PSEN1: variants seen among roughly 807,000 people sequenced by gnomAD.
PSEN1 encodes the protein presenilin-1.
A neutral mutation model predicts 53.5 loss-of-function variants in PSEN1; 15 were observed. That is an observed-to-expected ratio of 0.28 (90% CI 0.19 to 0.43). The LOEUF is 0.43. Among genes scored for constraint, PSEN1 ranks in the 20% least tolerant of loss-of-function variants. The pLI is 1.00. For synonymous variants in PSEN1, 208 were observed against 209.8 expected, an observed-to-expected ratio of 0.99 and a Z score of 0.08; for missense variants, 387 against 571.2, an observed-to-expected ratio of 0.68 and a Z score of 3.29.
At chr14:73,155,393 A>G (rs1336540380) in intron 3 of PSEN1, among the ~76,000 whole-genome samples, 1 of 152,206 alleles carries the variant, frequency 6.6e-6, no homozygotes, top group Non-Finnish European at 1.5e-5. Flanking sequence ...AATGATTAGT[A>G]CACTACCTAG....
chr14:73,202,435 TATATATATATATATATATATATA>T (rs1566648144), intron 8 of PSEN1, among the ~76,000 whole-genome samples: 3 of 13,208 alleles, frequency 2.3e-4, no homozygotes, highest in Non-Finnish European at 4.6e-4. Context: ...TATATATATA[TATATATATATATATATATATATA>T]TATATTTTTT....
intron 8 of PSEN1, among the ~76,000 whole-genome samples, chr14:73,202,454 A>T (rs1168813855): frequency 1.1e-3 from 18 of 16,030 alleles, no homozygotes; most frequent in African/African-American, 4.8e-3. Flanking sequence ...ATATATATAT[A>T]TATATATATT....
chr14:73,151,640 C>T (rs575717623), intron 3 of PSEN1, among the ~76,000 whole-genome samples: 5 of 152,032 alleles, frequency 3.3e-5, no homozygotes, highest in South Asian at 4.1e-4. Context: ...ACTGCAACCT[C>T]GACCTCCTTG....
intron 3 of PSEN1, among the ~76,000 whole-genome samples, chr14:73,154,420 C>T (rs534173940): frequency 9.3e-5 from 13 of 139,316 alleles, no homozygotes; most frequent in Admixed American, 7.5e-4. Context: ...TAACATAGCA[C>T]GATCTTGTCT....
At chr14:73,151,641 G>A (rs1469702143) in intron 3 of PSEN1, among the ~76,000 whole-genome samples, 1 of 151,450 alleles carries the variant, frequency 6.6e-6, no homozygotes, top group Non-Finnish European at 1.5e-5. Flanking sequence ...CTGCAACCTC[G>A]ACCTCCTTGA....
intron 3 of PSEN1, among the ~76,000 whole-genome samples, chr14:73,151,316 T>A (rs1897216979): frequency 6.6e-6 from 1 of 152,184 alleles, no homozygotes; most frequent in South Asian, 2.1e-4. Context: ...ACATACTAAT[T>A]CATTAGTCTG....
intron 8 of PSEN1, among the ~76,000 whole-genome samples, chr14:73,205,781 A>G (rs1899430596): frequency 6.6e-6 from 1 of 152,226 alleles, no homozygotes; most frequent in African/African-American, 2.4e-5. Context: ...TCTGAACTAA[A>G]ATGTGGTAGA....
At chr14:73,206,934 G>A (rs1478166193) in intron 9 of PSEN1, among the ~76,000 whole-genome samples, 1 of 152,118 alleles carries the variant, frequency 6.6e-6, no homozygotes, top group East Asian at 1.9e-4. Context: ...AACATGGCCA[G>A]AATAACTGAA....
chr14:73,212,220 C>G (rs1427836776), intron 10 of PSEN1, among the ~76,000 whole-genome samples: 1 of 146,986 alleles, frequency 6.8e-6, no homozygotes, highest in Non-Finnish European at 1.5e-5. Flanking sequence ...AAGTGATTCT[C>G]CTGCCTCAGC....
At chr14:73,152,628 C>A (rs1897260519) in intron 3 of PSEN1, among the ~76,000 whole-genome samples, 1 of 151,746 alleles carries the variant, frequency 6.6e-6, no homozygotes, top group South Asian at 2.1e-4. Flanking sequence ...AAAAAACCCA[C>A]AAAAGCTCGG....
intron 3 of PSEN1, among the ~76,000 whole-genome samples, chr14:73,149,452 C>T (rs1440246501): frequency 6.6e-6 from 1 of 152,084 alleles, no homozygotes; most frequent in Non-Finnish European, 1.5e-5. Flanking sequence ...AGGATTAGTC[C>T]GTGAATTCCG....
Position 73,148,145 on chromosome 14 carries a change from G to C in PSEN1, c.87+39G>C, listed in dbSNP as rs200708784. 1.5e-4 allele frequency: 222 copies of C among 1,489,890 alleles called. 2 individuals are homozygous for C. Among genetic ancestry groups the C allele is most frequent in the South Asian group, 1.2e-3 (102 of 87,252 alleles). 92.3% of individuals were successfully genotyped at this position (1,489,890 alleles called of 1,614,324 possible). Reference sequence around the variant, plus strand: ...CTCTGAAACTGCCTTTGCCAGACTGGATTCACTTATCATCTCCCCTCACCT... The same window carrying C: ...CTCTGAAACTGCCTTTGCCAGACTGCATTCACTTATCATCTCCCCTCACCT... On this transcript the variant is annotated intron_variant, in intron 3 of 11. Transcript: ENST00000324501.
chr14:73,158,282 T>TCTA (rs1555351588), intron 3 of PSEN1, among the ~76,000 whole-genome samples: 70 of 141,574 alleles, frequency 4.9e-4, no homozygotes, highest in Admixed American at 8.6e-4. Context: ...TAACTTTTTT[T>TCTA]TCTATCTATC....
At chr14:73,213,195 C>T (rs1899772782) in intron 10 of PSEN1, among the ~76,000 whole-genome samples, 1 of 152,158 alleles carries the variant, frequency 6.6e-6, no homozygotes, top group Non-Finnish European at 1.5e-5. Context: ...TTTAGCTTGC[C>T]TTTGCTGGGA....
intron 7 of PSEN1, among the ~76,000 whole-genome samples, chr14:73,197,477 C>G (rs1246052382): frequency 1.3e-5 from 2 of 152,154 alleles, no homozygotes; most frequent in Non-Finnish European, 2.9e-5. Flanking sequence ...ATTTACTGCC[C>G]TCTTACTTCA....
intron 3 of PSEN1, among the ~76,000 whole-genome samples, chr14:73,158,649 A>T (rs550739639): frequency 6.6e-6 from 1 of 152,244 alleles, no homozygotes; most frequent in African/African-American, 2.4e-5. Flanking sequence ...TTTATAGAAG[A>T]TGGAGTCTTC....
chr14:73,153,714 CTT>C (rs773862128), intron 3 of PSEN1, among the ~76,000 whole-genome samples: 11 of 129,984 alleles, frequency 8.5e-5, no homozygotes, highest in Admixed American at 8.1e-5. Context: ...ATTTTCTTTC[CTT>C]TTTTTTTTTT....
At chr14:73,199,867 TC>T (rs1010267565) in intron 8 of PSEN1, among the ~76,000 whole-genome samples, 2 of 152,148 alleles carry the variant, frequency 1.3e-5, no homozygotes, top group African/African-American at 4.8e-5. Context: ...TGCCTCAGCC[TC>T]CGGAGTGGCT....
At chr14:73,156,152 T>C (rs958721147) in intron 3 of PSEN1, among the ~76,000 whole-genome samples, 6 of 151,750 alleles carry the variant, frequency 4.0e-5, no homozygotes, top group Non-Finnish European at 7.4e-5. Context: ...CTGGGCAACA[T>C]GGTGAAACCC....
Sources: gnomAD v4.1 joint callset for allele counts (sites outside exome capture counted in the v4.1 genomes callset) on GRCh38, gnomAD v4.1.1 for gene constraint, MANE v1.5 for transcripts, NCBI Gene and HGNC (gene_info 2026-07-23, HGNC 2026-07-21) for gene names.